Variants in CPT1A observed in about 807,000 individuals in gnomAD.
CPT1A encodes the protein carnitine O-palmitoyltransferase 1, liver isoform.
Under a neutral mutation model 100.8 loss-of-function variants are expected in CPT1A, and 64 were observed. That is an observed-to-expected ratio of 0.63 (90% CI 0.52 to 0.78). The LOEUF is 0.78. CPT1A is among the 30% of genes least tolerant of loss of function. The pLI is 0.00. For missense variants in CPT1A, 802 were observed against 1,034.1 expected, an observed-to-expected ratio of 0.78 and a Z score of 3.08; for synonymous variants, 363 against 396.0, an observed-to-expected ratio of 0.92 and a Z score of 0.99.
chr11:68,822,805 G>A lies in CPT1A; in HGVS notation c.-13-7318C>T, dbSNP rs115856890. 6.1e-3 allele frequency among the ~76,000 whole-genome samples: 926 copies of A among 152,290 alleles called. 15 individuals are homozygous for A. Among genetic ancestry groups the A allele is most frequent in the African/African-American group, 0.021 (856 of 41,554 alleles). ...TGCAACATGGATGGACCCTGAAGACGTGATGCTGAGTGAAAGAAGCCATAC... is the reference window on the plus strand; with the variant it reads ...TGCAACATGGATGGACCCTGAAGACATGATGCTGAGTGAAAGAAGCCATAC... On this transcript the variant is annotated intron_variant, in intron 1 of 18. Transcript: ENST00000265641.
Position 68,757,454 on chromosome 11 carries a change from A to G in CPT1A, c.*190T>C. On this transcript the variant is annotated 3_prime_UTR_variant, in exon 19 of 19. Coordinates refer to ENST00000265641, the MANE Select transcript of CPT1A (RefSeq NM_001876.4). ...TCCCCCAAGGGAGGGCAAGTCTGGA[A>G]GTAGTGGGGTTATGCTTCACAGGGG... The G allele has an allele frequency of 2.1e-6, 3 of 1,454,136 alleles. No individual in the cohort carries two copies. The highest frequency in any genetic ancestry group is 2.7e-6 in the Non-Finnish European group (3 of 1,109,130). 90.1% of individuals were successfully genotyped at this position (1,454,136 alleles called of 1,614,324 possible).
intron 9 of CPT1A, among the ~76,000 whole-genome samples, chr11:68,788,155 T>C (rs2153998910): frequency 6.6e-6 from 1 of 152,192 alleles, no homozygotes; most frequent in African/African-American, 2.4e-5. Flanking sequence ...TATGGTGGCC[T>C]GGGCAAACTT....
At chr11:68,761,413 C>T in intron 16 of CPT1A, 122 bp downstream of exon 16, 2 of 1,150,146 alleles carry the variant, frequency 1.7e-6, no homozygotes, top group African/African-American at 1.5e-5. Context: ...ACAGCTACAC[C>T]CACAGACCCG....
intron 1 of CPT1A, among the ~76,000 whole-genome samples, chr11:68,840,080 A>G (rs1344263417): frequency 6.6e-6 from 1 of 152,240 alleles, no homozygotes; most frequent in Non-Finnish European, 1.5e-5. Context: ...CAGGAAGGAA[A>G]CCAGTAATTT....
chr11:68,799,426 T>C (rs997212784), intron 5 of CPT1A, 71 bp from the exon 6 acceptor site: 3 of 1,555,194 alleles, frequency 1.9e-6, no homozygotes, highest in African/African-American at 2.7e-5. Context: ...TTTGCCTCAC[T>C]TGTGCCTTAG....
intron 12 of CPT1A, among the ~76,000 whole-genome samples, chr11:68,776,391 C>T (rs1211046727): frequency 1.3e-5 from 2 of 151,986 alleles, no homozygotes; most frequent in African/African-American, 4.8e-5. Context: ...AGAGCAAGAC[C>T]CTGTCTCTAG....
intron 17 of CPT1A, 49 bp from the exon 18 acceptor site, chr11:68,759,710 GA>G: frequency 7.5e-7 from 1 of 1,337,020 alleles, no homozygotes; most frequent in Non-Finnish European, 1.1e-6. Flanking sequence ...GAGACAACGT[GA>G]AAAAGGGACT....
In CPT1A at chr11:68,793,397, A is replaced by C; in HGVS notation, c.885T>G (p.Arg295=). ...AGAGTGGAATCGTGGATCCCAAAAG[A>C]CGAATCTGTAACAAAAATATATTTC... ...KLDREEIKPI[R]LLGSTIPLCS... Residue 295 remains arginine (R), a synonymous_variant, in exon 9 of 19, where the codon CGT becomes CGG. Coordinates refer to ENST00000265641, the MANE Select transcript of CPT1A (RefSeq NM_001876.4). 6.2e-7 allele frequency: 1 copy of C among 1,609,316 alleles called. No homozygotes were observed. Among genetic ancestry groups the C allele is most frequent in the Non-Finnish European group, 8.5e-7 (1 of 1,177,474 alleles).
intron 11 of CPT1A, 43 bp from the exon 12 acceptor site, chr11:68,780,788 G>T (rs767702073): frequency 9.5e-6 from 14 of 1,470,554 alleles, no homozygotes; most frequent in Non-Finnish European, 1.3e-5. Context: ...GTTTAAAGAG[G>T]CAACAATGAG....
intron 1 of CPT1A, among the ~76,000 whole-genome samples, chr11:68,830,402 TCCC>T (rs1178981890): frequency 3.3e-5 from 5 of 152,084 alleles, no homozygotes; most frequent in Non-Finnish European, 7.4e-5. Context: ...GCCCACCAAC[TCCC>T]AGGTGGAGCA....
intron 18 of CPT1A, among the ~76,000 whole-genome samples, chr11:68,758,345 G>C (rs1946733699): frequency 6.6e-6 from 1 of 152,206 alleles, no homozygotes; most frequent in Non-Finnish European, 1.5e-5. Context: ...AACAGCGACA[G>C]TGGCATGGGT....
chr11:68,783,021 G>A (rs1201123175), intron 10 of CPT1A, among the ~76,000 whole-genome samples: 1 of 152,192 alleles, frequency 6.6e-6, no homozygotes, highest in Non-Finnish European at 1.5e-5. Flanking sequence ...GCTCTGAGAG[G>A]AGGGCATCGG....
At chr11:68,779,491 TAAAAAAAAAAAA>T (rs369619747) in intron 12 of CPT1A, among the ~76,000 whole-genome samples, 6 of 86,954 alleles carry the variant, frequency 6.9e-5, no homozygotes, top group Non-Finnish European at 1.3e-4. Context: ...AACGAATTAT[TAAAAAAAAAAAA>T]AAAAAAAAAA....
intron 4 of CPT1A, 71 bp downstream of exon 4, chr11:68,807,396 C>T: frequency 6.7e-7 from 1 of 1,486,704 alleles, no homozygotes; most frequent in Non-Finnish European, 9.2e-7. Flanking sequence ...GGGTGTCCTT[C>T]CGCAGGGGTG....
intron 14 of CPT1A, among the ~76,000 whole-genome samples, chr11:68,766,175 T>C (rs1287421834): frequency 1.3e-5 from 2 of 151,916 alleles, no homozygotes; most frequent in African/African-American, 4.8e-5. Flanking sequence ...CACAAGGTTA[T>C]TGTGCATAAC....
intron 3 of CPT1A, among the ~76,000 whole-genome samples, chr11:68,811,955 G>A (rs1391612037): frequency 1.3e-5 from 2 of 151,698 alleles, no homozygotes; most frequent in African/African-American, 4.9e-5. Context: ...GGACGGGGGG[G>A]TCCCTGGAGA....
chr11:68,759,854 CCT>C (rs2153994742), intron 17 of CPT1A, among the ~76,000 whole-genome samples, 193 bp from the exon 18 acceptor site: 1 of 144,384 alleles, frequency 6.9e-6, no homozygotes, highest in East Asian at 2.0e-4. Context: ...ATGGTGAAAC[CCT>C]GTCTCTACAA....
Position 68,759,615 on chromosome 11 carries a change from T to C in CPT1A, c.2189A>G (p.Asn730Ser), listed in dbSNP as rs745847209. 1.9e-6 allele frequency: 3 copies of C among 1,613,682 alleles called. No individual in the cohort carries two copies. In the South Asian group the frequency reaches 3.3e-5, roughly 18 times the overall value. ...GGAAGAAATGTGGAAATTGATGAGG[T>C]TCTCTCCCACAAGGATGTACGACAC... is the stretch of plus-strand genomic sequence containing the variant. Reference protein sequence around the residue: ...YGVSYILVGENLINFHISSKF... With the variant: ...YGVSYILVGESLINFHISSKF... Residue 730 changes from asparagine to serine, a missense_variant, in exon 18 of 19, where the codon AAC becomes AGC. Asn to Ser is a conservative substitution (Grantham distance 46). This residue lies in a region of CPT1A where 627 missense variants were observed against 799.3 expected (regional missense o/e 0.78). Transcript: ENST00000265641.
intron 11 of CPT1A, among the ~76,000 whole-genome samples, chr11:68,781,130 G>A (rs1855300600): frequency 6.6e-6 from 1 of 152,148 alleles, no homozygotes; most frequent in African/African-American, 2.4e-5. Flanking sequence ...GAGGACTTGA[G>A]ATAGCCACAT....
Sources: allele counts gnomAD v4.1 joint callset (sites outside exome capture counted in the v4.1 genomes callset), GRCh38; gene constraint gnomAD v4.1.1; regional missense constraint gnomAD v4.1.1; transcripts MANE v1.5; gene names NCBI Gene and HGNC (gene_info 2026-07-23, HGNC 2026-07-21).